Variants in PCDH11X observed in about 807,000 individuals in gnomAD.
PCDH11X encodes protocadherin-11 X-linked.
In PCDH11X, 18 loss-of-function variants were observed where a neutral mutation model predicts 53.3. The observed-to-expected ratio is 0.34, with a 90% CI of 0.23 to 0.50. The LOEUF (loss-of-function observed/expected upper bound fraction) is 0.50. PCDH11X is among the 20% of genes least tolerant of loss of function. The probability of loss-of-function intolerance (pLI) is 0.98; values close to 1 mark genes in which losing one functional copy is unlikely to be tolerated. For missense variants in PCDH11X, 570 were observed against 1,032.4 expected (o/e 0.55, Z 6.14); for synonymous variants, 279 against 393.3 (o/e 0.71, Z 3.44).
intron 10 of PCDH11X, among the ~76,000 whole-genome samples, chrX:92,508,674 A>G (rs1232192977): frequency 9.1e-6 from 1 of 110,079 alleles, no homozygotes; most frequent in African/African-American, 3.3e-5. Flanking sequence ...AAAATTAAAA[A>G]TAGCACTTGG....
At chrX:92,105,293 CG>C (rs1416027425) in intron 6 of PCDH11X, among the ~76,000 whole-genome samples, 1 of 110,959 alleles carries the variant, frequency 9.0e-6, no homozygotes, top group Non-Finnish European at 1.9e-5. Context: ...GGCCTCTTAC[CG>C]GATTTGAAAT....
chrX:92,535,532 G>C (rs2074642596), intron 10 of PCDH11X, among the ~76,000 whole-genome samples: 1 of 111,354 alleles, frequency 9.0e-6, no homozygotes, highest in Admixed American at 9.6e-5. Context: ...AAGGTAAAGG[G>C]TGAGAGGAGG....
intron 6 of PCDH11X, among the ~76,000 whole-genome samples, chrX:92,010,452 A>G (rs1207502348): frequency 9.1e-6 from 1 of 110,460 alleles, no homozygotes; most frequent in Non-Finnish European, 1.9e-5. Flanking sequence ...GTGCTTACAG[A>G]CATAGCCAAT....
intron 7 of PCDH11X, among the ~76,000 whole-genome samples, chrX:92,249,407 G>A (rs980413308): frequency 8.9e-6 from 1 of 111,912 alleles, no homozygotes; most frequent in Non-Finnish European, 1.9e-5. Flanking sequence ...CATTTGCATA[G>A]ATCTTTAGCA....
chrX:91,780,324 C>T (rs1356041892), intron 1 of PCDH11X, among the ~76,000 whole-genome samples: 1 of 111,957 alleles, frequency 8.9e-6, no homozygotes, highest in African/African-American at 3.2e-5. Context: ...CCTTCCTTCC[C>T]GCCCTATTTT....
chrX:92,444,850 A>T (rs2072599581), intron 9 of PCDH11X, among the ~76,000 whole-genome samples: 1 of 96,553 alleles, frequency 1.0e-5, no homozygotes, highest in African/African-American at 3.7e-5. Flanking sequence ...TTTATGTAGT[A>T]AATCACATTT....
At chrX:91,854,473 T>C (rs1263103940) in intron 5 of PCDH11X, among the ~76,000 whole-genome samples, 3 of 112,591 alleles carry the variant, frequency 2.7e-5, no homozygotes, top group Non-Finnish European at 5.6e-5. Flanking sequence ...GGAGTGCAGA[T>C]ATCACTTTGA....
At chrX:91,955,919 C>T (rs1235467168) in intron 6 of PCDH11X, among the ~76,000 whole-genome samples, 1 of 109,797 alleles carries the variant, frequency 9.1e-6, no homozygotes, top group Non-Finnish European at 1.9e-5. Context: ...TCTCTAAGCA[C>T]TTGCTTTATG....
chrX:92,602,143 G>A (rs1275417732), intron 10 of PCDH11X, among the ~76,000 whole-genome samples: 3 of 110,772 alleles, frequency 2.7e-5, no homozygotes, highest in Non-Finnish European at 5.7e-5. Flanking sequence ...ATATTGCCCA[G>A]GGGATGATAA....
intron 8 of PCDH11X, among the ~76,000 whole-genome samples, chrX:92,358,661 C>T (rs780507512): frequency 1.4e-3 from 144 of 103,363 alleles, no homozygotes; most frequent in Non-Finnish European, 2.4e-3. Context: ...ACCAATGACA[C>T]AACCTGGGTA....
chrX:92,423,759 CT>C (rs2072031424), intron 9 of PCDH11X, among the ~76,000 whole-genome samples: 2 of 96,811 alleles, frequency 2.1e-5, no homozygotes, highest in South Asian at 8.7e-4. Flanking sequence ...ACTTTCGCCA[CT>C]TTATGTTTTT....
At chrX:92,568,336 A>G (rs769047829) in intron 10 of PCDH11X, among the ~76,000 whole-genome samples, 22 of 109,220 alleles carry the variant, frequency 2.0e-4, no homozygotes, top group Middle Eastern at 4.6e-3. Context: ...GCAGGAGAAC[A>G]GCGTGAACGT....
chrX:92,509,991 G>T (rs1466607790), intron 10 of PCDH11X, among the ~76,000 whole-genome samples: 1 of 109,421 alleles, frequency 9.1e-6, no homozygotes, highest in African/African-American at 3.3e-5. Context: ...AATCTAGCTT[G>T]AAAATTATAG....
intron 6 of PCDH11X, among the ~76,000 whole-genome samples, chrX:92,116,552 A>G (rs1363732816): frequency 8.9e-6 from 1 of 112,372 alleles, no homozygotes; most frequent in Non-Finnish European, 1.9e-5. Context: ...TTCTTATTTT[A>G]GCAAATGTAT....
At chrX:92,315,317 C>T (rs1421579067) in intron 8 of PCDH11X, among the ~76,000 whole-genome samples, 1 of 111,884 alleles carries the variant, frequency 8.9e-6, no homozygotes, top group African/African-American at 3.2e-5. Flanking sequence ...TTTTAATCAA[C>T]ACAGAGACAG....
At chrX:92,345,048 C>A in intron 8 of PCDH11X, among the ~76,000 whole-genome samples, 1 of 110,120 alleles carries the variant, frequency 9.1e-6, no homozygotes, top group African/African-American at 3.3e-5. Flanking sequence ...TCCTTTTTTA[C>A]CTAAATTTTT....
chrX:92,206,967 G>A (rs1315540289), intron 7 of PCDH11X, among the ~76,000 whole-genome samples: 1 of 111,675 alleles, frequency 9.0e-6, no homozygotes, highest in Non-Finnish European at 1.9e-5. Context: ...TTTGAGTAAA[G>A]AAAATCAAAT....
intron 10 of PCDH11X, among the ~76,000 whole-genome samples, chrX:92,555,422 G>A (rs1256486896): frequency 9.0e-6 from 1 of 111,525 alleles, no homozygotes; most frequent in Non-Finnish European, 1.9e-5. Flanking sequence ...CTTCTCAAAG[G>A]ACCTGAAATT....
At chrX:92,556,260 A>G (rs997708864) in intron 10 of PCDH11X, among the ~76,000 whole-genome samples, 18 of 111,030 alleles carry the variant, frequency 1.6e-4, no homozygotes, top group African/African-American at 5.9e-4. Flanking sequence ...ATACCTTTCC[A>G]ACAGTCCCCC....
Sources: allele counts gnomAD v4.1 joint callset (sites outside exome capture counted in the v4.1 genomes callset), GRCh38; gene constraint gnomAD v4.1.1; transcripts MANE v1.5; gene names NCBI Gene and HGNC (gene_info 2026-07-23, HGNC 2026-07-21).